KCNT2: variants seen among roughly 807,000 people sequenced by gnomAD.
KCNT2 encodes the protein potassium sodium-activated channel subfamily T member 2.
KCNT2 carries 67 observed loss-of-function variants against 153.8 expected under a neutral mutation model. The observed-to-expected ratio is 0.44, with a 90% CI of 0.36 to 0.53. KCNT2 has a LOEUF of 0.53. Among genes scored for constraint, KCNT2 ranks in the 20% least tolerant of loss-of-function variants. The pLI, the probability that KCNT2 is intolerant of heterozygous loss-of-function variation, is 0.00. For missense variants in KCNT2, 975 were observed against 1,354.8 expected (o/e 0.72, Z 4.40); for synonymous variants, 500 against 458.8 (o/e 1.09, Z -1.15).
intron 27 of KCNT2, among the ~76,000 whole-genome samples, chr1:196,229,852 T>C (rs1653797347): frequency 6.6e-6 from 1 of 152,052 alleles, no homozygotes. Flanking sequence ...TTTTCAATTC[T>C]CTGAAAGGTG....
intron 26 of KCNT2, among the ~76,000 whole-genome samples, chr1:196,239,994 T>A (rs886899660): frequency 6.6e-6 from 1 of 151,914 alleles, no homozygotes; most frequent in Non-Finnish European, 1.5e-5. Context: ...TCAGAAGAAA[T>A]CAAATTTTGG....
chr1:196,312,342 A>G (rs1662267344), intron 21 of KCNT2, among the ~76,000 whole-genome samples: 1 of 151,692 alleles, frequency 6.6e-6, no homozygotes, highest in Non-Finnish European at 1.5e-5. Flanking sequence ...AGGTAGTTCC[A>G]GAGAAAGTTT....
intron 26 of KCNT2, among the ~76,000 whole-genome samples, chr1:196,253,766 T>C (rs999657199): frequency 1.3e-5 from 2 of 151,518 alleles, no homozygotes; most frequent in Admixed American, 6.6e-5. Flanking sequence ...CTTTGTTCTT[T>C]TGTTGACTAT....
chr1:196,593,989 C>T (rs1663740251), intron 1 of KCNT2, among the ~76,000 whole-genome samples: 1 of 152,042 alleles, frequency 6.6e-6, no homozygotes. Context: ...AAGACCAACA[C>T]ACACACACAC....
intron 22 of KCNT2, among the ~76,000 whole-genome samples, chr1:196,288,595 G>A (rs1052432148): frequency 7.9e-5 from 12 of 152,092 alleles, no homozygotes; most frequent in Admixed American, 5.2e-4. Flanking sequence ...AAAGACGAAT[G>A]TACATTCTAC....
intron 27 of KCNT2, among the ~76,000 whole-genome samples, chr1:196,234,407 C>T (rs952729588): frequency 6.6e-5 from 10 of 151,038 alleles, no homozygotes; most frequent in Middle Eastern, 3.4e-3. Flanking sequence ...ACTTCTTTTT[C>T]AATTCCCAAA....
chr1:196,573,433 G>T (rs1272163575), intron 1 of KCNT2, among the ~76,000 whole-genome samples: 2 of 151,272 alleles, frequency 1.3e-5, no homozygotes, highest in Non-Finnish European at 3.0e-5. Flanking sequence ...GCTGAATCAT[G>T]TTTTTTTTTA....
intron 25 of KCNT2, among the ~76,000 whole-genome samples, chr1:196,265,265 T>C (rs997988794): frequency 1.3e-5 from 2 of 152,168 alleles, no homozygotes; most frequent in Non-Finnish European, 2.9e-5. Flanking sequence ...GTCGAGACAA[T>C]TATGCTGTTT....
chr1:196,522,852 A>G (rs1653634255), intron 1 of KCNT2, among the ~76,000 whole-genome samples: 1 of 152,148 alleles, frequency 6.6e-6, no homozygotes, highest in Admixed American at 6.5e-5. Context: ...ACTCTGTAAA[A>G]TGGACCAATC....
At chr1:196,438,301 T>A (rs1674910367) in intron 8 of KCNT2, among the ~76,000 whole-genome samples, 2 of 151,692 alleles carry the variant, frequency 1.3e-5, no homozygotes, top group Admixed American at 6.6e-5. Context: ...GAGTCAGGGA[T>A]TATAGAGAGA....
chr1:196,494,904 A>G (rs1320893197), intron 1 of KCNT2, among the ~76,000 whole-genome samples: 2 of 152,126 alleles, frequency 1.3e-5, no homozygotes, highest in African/African-American at 2.4e-5. Flanking sequence ...TGAAATGGCC[A>G]TCAATGTGGA....
At position 196,228,157 on chromosome 1, in the gene KCNT2, T is replaced by G. The variant is rs1571718128; in HGVS notation, c.*67A>C. On this transcript the variant is annotated 3_prime_UTR_variant, in exon 28 of 28. Coordinates refer to ENST00000294725, the MANE Select transcript of KCNT2 (RefSeq NM_198503.5). ...ATATATTTCCATCTAGTTTCTTTCG[T>G]GCCAGCAAAACTTTTGTGGTTTCAA... The G allele has an allele frequency of 6.9e-5, 57 of 829,932 alleles. No individual in the cohort carries two copies. In the East Asian group the frequency reaches 1.4e-3, roughly 21 times the overall value. 51.4% of individuals were successfully genotyped at this position (829,932 alleles called of 1,614,324 possible).
chr1:196,451,217 C>CTTTTTTTTTTTTTTTTTTTT (rs561944079), intron 8 of KCNT2, among the ~76,000 whole-genome samples: 5 of 63,554 alleles, frequency 7.9e-5, no homozygotes, highest in Non-Finnish European at 1.5e-4. Flanking sequence ...ATCCCTCTTT[C>CTTTTTTTTTTTTTTTTTTTT]TTTTTTTTTT....
At chr1:196,275,864 A>G (rs981547847) in intron 25 of KCNT2, among the ~76,000 whole-genome samples, 4 of 152,040 alleles carry the variant, frequency 2.6e-5, no homozygotes, top group African/African-American at 4.8e-5. Context: ...AATGGGTCTG[A>G]TATCACCACA....
At chr1:196,486,322 T>TA (rs949802557) in intron 3 of KCNT2, among the ~76,000 whole-genome samples, 7 of 151,806 alleles carry the variant, frequency 4.6e-5, no homozygotes, top group Non-Finnish European at 7.4e-5. Flanking sequence ...AAAAATTAAA[T>TA]AAAAAAATGC....
chr1:196,228,508 T>C (rs1448541605), intron 27 of KCNT2, among the ~76,000 whole-genome samples, 173 bp from the exon 28 acceptor site: 1 of 152,142 alleles, frequency 6.6e-6, no homozygotes, highest in Non-Finnish European at 1.5e-5. Context: ...CAATTTGGCA[T>C]GGTTAATATT....
chr1:196,591,127 G>T (rs948844560), intron 1 of KCNT2, among the ~76,000 whole-genome samples: 1 of 152,026 alleles, frequency 6.6e-6, no homozygotes, highest in Non-Finnish European at 1.5e-5. Context: ...TCATGAGGGC[G>T]GATCCTTCAT....
intron 1 of KCNT2, among the ~76,000 whole-genome samples, chr1:196,528,093 A>G (rs898173150): frequency 2.0e-5 from 3 of 152,346 alleles, no homozygotes; most frequent in Non-Finnish European, 2.9e-5. Flanking sequence ...CCAGATCACA[A>G]ATTAAAACCT....
At chr1:196,550,930 A>C (rs994502990) in intron 1 of KCNT2, among the ~76,000 whole-genome samples, 1 of 151,916 alleles carries the variant, frequency 6.6e-6, no homozygotes, top group African/African-American at 2.4e-5. Context: ...AAATACAGAA[A>C]AAACTTCACA....
Sources: allele counts gnomAD v4.1 joint callset (sites outside exome capture counted in the v4.1 genomes callset), GRCh38; gene constraint gnomAD v4.1.1; transcripts MANE v1.5; gene names NCBI Gene and HGNC (gene_info 2026-07-23, HGNC 2026-07-21).